Variants in VPS13B observed in about 807,000 individuals in gnomAD.
The protein encoded by VPS13B is intermembrane lipid transfer protein VPS13B.
A neutral mutation model predicts 426.4 loss-of-function variants in VPS13B; 285 were observed. That is an observed-to-expected ratio of 0.67 (90% CI 0.61 to 0.74). The LOEUF is 0.74. VPS13B is among the 30% of genes least tolerant of loss of function. VPS13B has a pLI of 0.00. For missense variants in VPS13B, 4,537 were observed against 4,782.6 expected, an observed-to-expected ratio of 0.95 and a Z score of 1.51; for synonymous variants, 1,676 against 1,676.4, an observed-to-expected ratio of 1.00 and a Z score of 0.01.
chr8:99,574,503 A>G (rs1048456245), intron 31 of VPS13B, among the ~76,000 whole-genome samples: 3 of 152,200 alleles, frequency 2.0e-5, no homozygotes, highest in African/African-American at 7.2e-5. Flanking sequence ...GAGAGTTTTT[A>G]GCATGAAGCG....
chr8:99,347,635 GT>G (rs1811612892), intron 19 of VPS13B: 1 of 152,236 alleles, frequency 6.6e-6, no homozygotes, highest in African/African-American at 2.4e-5. Flanking sequence ...GCTTGAGATT[GT>G]GCCTGTCAGC....
chr8:99,099,129 A>G (rs1846594449), intron 4 of VPS13B, among the ~76,000 whole-genome samples: 1 of 152,140 alleles, frequency 6.6e-6, no homozygotes, highest in African/African-American at 2.4e-5. Flanking sequence ...ATTATTATCT[A>G]GTTATTAAAT....
At chr8:99,819,857 A>G (rs888298300) in intron 48 of VPS13B, 64 bp from the exon 49 acceptor site, 8 of 1,580,422 alleles carry the variant, frequency 5.1e-6, no homozygotes, top group South Asian at 2.2e-5. Flanking sequence ...ATCTTTAAAC[A>G]TATTTCACAA....
rs1466354384 is a variant in VPS13B, at chr8:99,833,832, C to T, written c.9614+1180C>T. Among the ~76,000 whole-genome samples the T allele has an allele frequency of 3.3e-5, 5 of 152,190 alleles. No individual in the cohort carries two copies. In the East Asian group the frequency reaches 9.6e-4, roughly 29 times the overall value. On this transcript the variant is annotated intron_variant, in intron 52 of 61. Coordinates refer to ENST00000357162, the MANE Select transcript of VPS13B (RefSeq NM_152564.5). ...TGGACAGAAAGTACCATACTTGAGT[C>T]CTGGCCCTAGCCTTCTTGGCTATCA...
At chr8:99,372,120 G>A (rs180964867) in intron 19 of VPS13B, among the ~76,000 whole-genome samples, 3,084 of 151,422 alleles carry the variant, frequency 0.02, 112 homozygotes, top group African/African-American at 0.071. Context: ...GCGAGGTGGC[G>A]GGCGCCTGTA....
chr8:99,382,480 T>C (rs944155774), intron 19 of VPS13B, among the ~76,000 whole-genome samples: 1 of 152,168 alleles, frequency 6.6e-6, no homozygotes, highest in Admixed American at 6.5e-5. Flanking sequence ...TTTCCATTTG[T>C]TTCTGTCATC....
intron 49 of VPS13B, 38 bp from the exon 50 acceptor site, chr8:99,821,256 A>G: frequency 1.9e-6 from 3 of 1,608,166 alleles, no homozygotes; most frequent in African/African-American, 1.3e-5. Flanking sequence ...TATCAAAGGT[A>G]AGAAAATTAC....
At chr8:99,113,048 C>A (rs1387627165) in intron 6 of VPS13B, among the ~76,000 whole-genome samples, 1 of 150,286 alleles carries the variant, frequency 6.7e-6, no homozygotes, top group Non-Finnish European at 1.5e-5. Flanking sequence ...CTCTCCCCAC[C>A]CTTCCCCTCC....
intron 19 of VPS13B, among the ~76,000 whole-genome samples, chr8:99,306,556 CTT>C (rs1820646854): frequency 6.6e-6 from 1 of 152,004 alleles, no homozygotes; most frequent in Admixed American, 6.6e-5. Context: ...CTACAAATAA[CTT>C]AGTTCAAACT....
chr8:99,018,211 C>T (rs1467893899), intron 2 of VPS13B, among the ~76,000 whole-genome samples: 1 of 152,038 alleles, frequency 6.6e-6, no homozygotes, highest in African/African-American at 2.4e-5. Context: ...TATGGCAAAA[C>T]CTCGTCTCTA....
intron 33 of VPS13B, among the ~76,000 whole-genome samples, chr8:99,641,230 T>C (rs1239676726): frequency 6.6e-6 from 1 of 152,220 alleles, no homozygotes; most frequent in Non-Finnish European, 1.5e-5. Flanking sequence ...TTTTAAGTCC[T>C]ATTGTAGTAG....
intron 54 of VPS13B, among the ~76,000 whole-genome samples, chr8:99,846,968 G>A (rs1330176967): frequency 3.3e-5 from 5 of 152,170 alleles, no homozygotes; most frequent in Non-Finnish European, 7.4e-5. Context: ...CTACTGAATG[G>A]ATAATTTCAT....
chr8:99,465,782 A>G (rs185645112), intron 23 of VPS13B, among the ~76,000 whole-genome samples: 7 of 152,154 alleles, frequency 4.6e-5, no homozygotes, highest in Admixed American at 3.9e-4. Flanking sequence ...TCCTAGGGGG[A>G]AAAATATTTT....
chr8:99,172,153 CTTCATG>C (rs919372801), intron 16 of VPS13B, among the ~76,000 whole-genome samples: 42 of 152,232 alleles, frequency 2.8e-4, no homozygotes, highest in African/African-American at 9.6e-4. Flanking sequence ...AGTCCCATTT[CTTCATG>C]TTCATGTTTG....
chr8:99,628,112 C>T (rs904138982), intron 33 of VPS13B, among the ~76,000 whole-genome samples: 1 of 152,184 alleles, frequency 6.6e-6, no homozygotes, highest in South Asian at 2.1e-4. Flanking sequence ...AACTCCGTGT[C>T]GACTAAAGGA....
chr8:99,294,957 A>G lies in VPS13B; in HGVS notation c.2824+19703A>G, dbSNP rs375603971. On this transcript the variant is annotated intron_variant, in intron 19 of 61. Coordinates refer to ENST00000357162, the MANE Select transcript of VPS13B (RefSeq NM_152564.5). ...GGCTGTGGATGACATTGATGATCCTATGTTTGACTAGTTTCTCCTTTTTAG... is the reference window on the plus strand; with the variant it reads ...GGCTGTGGATGACATTGATGATCCTGTGTTTGACTAGTTTCTCCTTTTTAG... Among the ~76,000 whole-genome samples, 62 of 152,302 alleles carry G rather than the reference A, an allele frequency of 4.1e-4. No homozygotes were observed. In the East Asian group the frequency reaches 6.4e-3, roughly 16 times the overall value.
chr8:99,245,814 G>T (rs1488201709), intron 17 of VPS13B, among the ~76,000 whole-genome samples: 3 of 152,202 alleles, frequency 2.0e-5, no homozygotes, highest in African/African-American at 7.2e-5. Context: ...AAAGTTCTGG[G>T]ATTACAGGTG....
chr8:99,778,539 C>G, intron 41 of VPS13B, 143 bp from the exon 42 acceptor site: 1 of 777,654 alleles, frequency 1.3e-6, no homozygotes, highest in Non-Finnish European at 2.2e-6. Flanking sequence ...ATAATATCTT[C>G]AATAAATAAT....
intron 7 of VPS13B, chr8:99,119,415 A>ATTTTG (rs1847831732): frequency 6.6e-6 from 1 of 152,004 alleles, no homozygotes; most frequent in Non-Finnish European, 1.5e-5. Flanking sequence ...TGGCTGATAA[A>ATTTTG]TTTTGTTTTG....
Sources: gnomAD v4.1 joint callset for allele counts (sites outside exome capture counted in the v4.1 genomes callset) on GRCh38, gnomAD v4.1.1 for gene constraint, MANE v1.5 for transcripts, NCBI Gene and HGNC (gene_info 2026-07-23, HGNC 2026-07-21) for gene names.